Variants in ANHX observed in about 807,000 individuals in gnomAD.
ANHX encodes anomalous homeobox protein.
In ANHX, 20 loss-of-function variants were observed where a neutral mutation model predicts 38.9. That is an observed-to-expected ratio of 0.51 (90% CI 0.36 to 0.75). ANHX has a LOEUF of 0.75. Ranked by LOEUF, ANHX falls within the 30% of genes least tolerant of loss-of-function variation. The pLI is 0.00. For missense variants in ANHX, 475 were observed against 493.1 expected (o/e 0.96, Z 0.35); for synonymous variants, 185 against 203.1 (o/e 0.91, Z 0.76).
intron 4 of ANHX, 42 bp downstream of exon 4, chr12:133,227,782 C>A (rs1448695376): frequency 1.3e-6 from 2 of 1,532,696 alleles, no homozygotes; most frequent in Non-Finnish European, 1.7e-6. Context: ...AGGGAGGCAC[C>A]AGGCAGGGAC....
chr12:133,234,432 C>G, intron 1 of ANHX, 54 bp from the exon 2 acceptor site: 1 of 1,481,360 alleles, frequency 6.8e-7, no homozygotes, highest in Admixed American at 2.1e-5. Flanking sequence ...TCCTTTCTGT[C>G]AGTCAATCGC....
chr12:133,226,698 G>A (rs1177611449), intron 5 of ANHX, among the ~76,000 whole-genome samples: 7 of 152,134 alleles, frequency 4.6e-5, no homozygotes, highest in Admixed American at 2.6e-4. Context: ...CTCCTCTCCA[G>A]CCCAGCTCCT....
At chr12:133,231,026 G>C (rs1426891778) in intron 3 of ANHX, among the ~76,000 whole-genome samples, 2 of 152,110 alleles carry the variant, frequency 1.3e-5, no homozygotes, top group Non-Finnish European at 2.9e-5. Context: ...GCTAACACTG[G>C]CAACATTCTC....
chr12:133,224,575 A>G (rs1957157775), intron 7 of ANHX, among the ~76,000 whole-genome samples: 1 of 150,168 alleles, frequency 6.7e-6, no homozygotes, highest in South Asian at 2.1e-4. Flanking sequence ...AGGCAGGAGA[A>G]TCGCTTGAAC....
At chr12:133,229,679 TC>T (rs1957240649) in intron 3 of ANHX, among the ~76,000 whole-genome samples, 1 of 152,146 alleles carries the variant, frequency 6.6e-6, no homozygotes, top group Non-Finnish European at 1.5e-5. Flanking sequence ...GATCCCTGTA[TC>T]TGCATCTTCT....
chr12:133,234,243 T>C lies in ANHX; in HGVS notation c.114A>G (p.Gln38=). 6.5e-7 allele frequency: 1 copy of C among 1,536,164 alleles called. No individual in the cohort carries two copies. Among genetic ancestry groups the C allele is most frequent in the African/African-American group, 1.4e-5 (1 of 73,180 alleles). ...GAATGGCTGTGACCAAAGGCTGCAG[T>C]TGGGCAAGGTCATCCTGGAAGTCCC... The part of the protein sequence containing the change: ...LCRDFQDDLA[Q]LQPLVTAILD... Residue 38 remains glutamine (Q), a synonymous_variant, in exon 2 of 10, where the codon CAA becomes CAG. Coordinates refer to ENST00000545940, the MANE Select transcript of ANHX (RefSeq NM_001372060.1).
chr12:133,233,232 GC>G, intron 2 of ANHX, among the ~76,000 whole-genome samples: 1 of 152,190 alleles, frequency 6.6e-6, no homozygotes, highest in Non-Finnish European at 1.5e-5. Flanking sequence ...GGATCTGGGA[GC>G]CACTGCTCAG....
At chr12:133,232,902 A>G (rs1957304136) in intron 2 of ANHX, among the ~76,000 whole-genome samples, 1 of 152,144 alleles carries the variant, frequency 6.6e-6, no homozygotes, top group Admixed American at 6.5e-5. Context: ...CCTTCAGTGT[A>G]GTAAGGGAGG....
At chr12:133,235,083 G>GGT (rs1957347357) in intron 1 of ANHX, 1 of 146,746 alleles carries the variant, frequency 6.8e-6, no homozygotes, top group African/African-American at 2.5e-5. Flanking sequence ...TCTGCCGTGC[G>GGT]CCCGCCAAGG....
chr12:133,228,932 G>A (rs924073293), intron 3 of ANHX, among the ~76,000 whole-genome samples: 2 of 152,114 alleles, frequency 1.3e-5, no homozygotes, highest in African/African-American at 4.8e-5. Context: ...CTGGATCCTT[G>A]CACCTTGCCA....
intron 3 of ANHX, among the ~76,000 whole-genome samples, chr12:133,230,214 A>T (rs1957249567): frequency 6.6e-6 from 1 of 152,232 alleles, no homozygotes; most frequent in African/African-American, 2.4e-5. Context: ...AGAACCCAGC[A>T]GGCAGGGGGT....
At chr12:133,226,208 A>C (rs1374562160) in intron 6 of ANHX, 110 bp downstream of exon 6, 5 of 1,499,922 alleles carry the variant, frequency 3.3e-6, no homozygotes, top group Non-Finnish European at 4.5e-6. Context: ...ACCTGATCCC[A>C]GTGTGGGGGT....
In ANHX at chr12:133,234,170, G is replaced by A. The variant is rs1593977916; in HGVS notation, c.187C>T (p.Leu63=). The A allele has an allele frequency of 6.5e-7, 1 of 1,536,184 alleles. No homozygotes were observed. The highest frequency in any genetic ancestry group is 2.4e-5 in the East Asian group (1 of 40,924). Residue 63 remains leucine, a synonymous_variant, in exon 2 of 10, where the codon CTG becomes TTG. Coordinates refer to ENST00000545940, the MANE Select transcript of ANHX (RefSeq NM_001372060.1). ...TGGTCCAGGACACGGGCGCACGCCA[G>A]GGCCACATCTGCGTTGTCCAGGAGA... The part of the protein sequence containing the change: ...LHLLDNADVA[L]ACARVLDQQE...
At chr12:133,230,451 G>A (rs914988766) in intron 3 of ANHX, among the ~76,000 whole-genome samples, 3 of 152,158 alleles carry the variant, frequency 2.0e-5, no homozygotes, top group South Asian at 2.1e-4. Flanking sequence ...TATTCTTACC[G>A]ACCAGGCCCT....
At chr12:133,223,890 A>G (rs1264019567) in intron 7 of ANHX, among the ~76,000 whole-genome samples, 1 of 152,168 alleles carries the variant, frequency 6.6e-6, no homozygotes, top group African/African-American at 2.4e-5. Flanking sequence ...GAGCTCCAAA[A>G]AATTATGAGG....
chr12:133,222,294 G>C (rs141778960), intron 7 of ANHX, among the ~76,000 whole-genome samples: 2 of 152,278 alleles, frequency 1.3e-5, no homozygotes, highest in African/African-American at 4.8e-5. Flanking sequence ...GTCCACAGTC[G>C]TGCAGTCAGG....
chr12:133,219,910 CAGAG>C (rs200992730), intron 8 of ANHX, among the ~76,000 whole-genome samples: 2,173 of 152,288 alleles, frequency 0.014, 45 homozygotes, highest in African/African-American at 0.049. Context: ...CGTGGCTCCC[CAGAG>C]AGAGAAAGAA....
Position 133,227,962 on chromosome 12 carries a change from T to G in ANHX, c.378-15A>C, listed in dbSNP as rs1219552307. 2.5e-5 allele frequency: 38 copies of G among 1,533,598 alleles called. 1 individual carries two copies. Among genetic ancestry groups the G allele is most frequent in the Non-Finnish European group, 3.1e-5 (36 of 1,145,562 alleles). The allele number at this position is 1,533,598 out of a possible 1,614,324, so 95.0% of individuals were successfully genotyped here. ...GCGGGGGGTTCCTGGGTAAGGACAG[T>G]GAGGAGGTGGTAACAGACAGGACCC... On this transcript the variant is annotated splice_polypyrimidine_tract_variant and intron_variant, in intron 3 of 9. Transcript: ENST00000545940.
chr12:133,224,252 T>C (rs1957152736), intron 7 of ANHX, among the ~76,000 whole-genome samples: 1 of 150,962 alleles, frequency 6.6e-6, no homozygotes, highest in African/African-American at 2.5e-5. Context: ...TGCTGGAAGA[T>C]GTTAAAAATG....
Sources: allele counts gnomAD v4.1 joint callset (sites outside exome capture counted in the v4.1 genomes callset), GRCh38; gene constraint gnomAD v4.1.1; transcripts MANE v1.5; gene names NCBI Gene and HGNC (gene_info 2026-07-23, HGNC 2026-07-21).